Variants in FRMD3 observed in about 807,000 individuals in gnomAD.
The protein encoded by FRMD3 is FERM domain containing 3, also known as FERM domain-containing protein 3.
FRMD3 carries 33 observed loss-of-function variants against 70.2 expected under a neutral mutation model. The ratio of observed to expected loss-of-function variants is 0.47; its 90% confidence interval spans 0.36 to 0.63. The LOEUF is 0.63. Among genes scored for constraint, FRMD3 ranks in the 20% least tolerant of loss-of-function variants. The pLI is 0.00. For missense variants in FRMD3, 632 were observed against 711.4 expected (o/e 0.89, Z 1.27); for synonymous variants, 279 against 255.9 (o/e 1.09, Z -0.86).
intron 3 of FRMD3, among the ~76,000 whole-genome samples, chr9:83,352,195 T>C (rs1824184520): frequency 6.6e-6 from 1 of 152,214 alleles, no homozygotes; most frequent in East Asian, 1.9e-4. Flanking sequence ...CGCTATATGC[T>C]TGTATTTTTA....
intron 1 of FRMD3, among the ~76,000 whole-genome samples, chr9:83,495,342 A>G (rs1230351574): frequency 6.6e-6 from 1 of 152,232 alleles, no homozygotes; most frequent in African/African-American, 2.4e-5. Flanking sequence ...TGACCACCGC[A>G]TTGAAGAAAG....
rs1348577662 is a variant in FRMD3 at position 83,334,829 on chromosome 9, T to TA, written c.596+686dup. Among the ~76,000 whole-genome samples the TA allele has an allele frequency of 5.3e-5, 8 of 152,296 alleles. No individual in the cohort carries two copies. In the East Asian group the frequency reaches 1.5e-3, roughly 29 times the overall value. Reference sequence around the variant, plus strand: ...GAATTCAAATCCCAGCTCTGATACTTACTAGCTGCGTGACCTTGGGTAGGT... The same window carrying TA: ...GAATTCAAATCCCAGCTCTGATACTTAACTAGCTGCGTGACCTTGGGTAGGT... On this transcript the variant is annotated intron_variant, in intron 6 of 13. Transcript: ENST00000304195.
chr9:83,560,557 G>A, the FRMD3 span, among the ~76,000 whole-genome samples: 3 of 152,164 alleles, frequency 2.0e-5, no homozygotes, highest in Non-Finnish European at 4.4e-5. Context: ...GAATAAATGC[G>A]TGTTGTTTAA....
rs767479443 is a variant in FRMD3 at position 83,298,802 on chromosome 9, T to A, written c.1016A>T (p.Lys339Ile). 6.2e-7 allele frequency: 1 copy of A among 1,614,184 alleles called. No homozygotes were observed. The highest frequency in any genetic ancestry group is 8.5e-7 in the Non-Finnish European group (1 of 1,180,018). ...SRFRYSGKVA[K>I]EVVEASSKIQ... The stretch of plus-strand genomic sequence containing the variant: ...CTTGGAACTGGCCTCCACCACCTCT[T>A]TGGCAACTTTCCCACTGCAAAAGAC... Residue 339 changes from lysine (K) to isoleucine (I), a missense_variant, in exon 12 of 14, where the codon AAA becomes ATA. Physicochemically the swap from Lys to Ile is moderately radical, Grantham distance 102 (BLOSUM62 -3). Coordinates refer to ENST00000304195, the MANE Select transcript of FRMD3 (RefSeq NM_174938.6).
At chr9:83,507,809 G>A (rs1829238620) in intron 1 of FRMD3, among the ~76,000 whole-genome samples, 1 of 138,038 alleles carries the variant, frequency 7.2e-6, no homozygotes, top group Non-Finnish European at 1.5e-5. Context: ...ATAAGTAGAA[G>A]GAGTACACTC....
chr9:83,300,665 C>A (rs1006138527), intron 10 of FRMD3, among the ~76,000 whole-genome samples: 5 of 152,124 alleles, frequency 3.3e-5, no homozygotes, highest in Non-Finnish European at 7.4e-5. Context: ...AATTGAAAAC[C>A]ATTTGTACCC....
upstream of FRMD3, chr9:83,538,562 C>A (rs1587543456): frequency 4.8e-6 from 1 of 209,242 alleles, no homozygotes; most frequent in East Asian, 1.1e-4. This position sits in a 1 kb window ranked among gnomAD's most constrained non-coding sequence, Gnocchi z 4.7. Context: ...CTCACTCCCA[C>A]GCGCGCCGAG....
intron 4 of FRMD3, among the ~76,000 whole-genome samples, chr9:83,345,111 T>C (rs1209779598): frequency 6.6e-6 from 1 of 152,174 alleles, no homozygotes; most frequent in South Asian, 2.1e-4. Context: ...AAGGAATCAG[T>C]GGCTCACTGA....
chr9:83,456,073 C>T (rs1274439280), intron 1 of FRMD3, among the ~76,000 whole-genome samples: 1 of 152,180 alleles, frequency 6.6e-6, no homozygotes, highest in Non-Finnish European at 1.5e-5. Flanking sequence ...CAGTAGTAAC[C>T]TGCCCATAGG....
intron 1 of FRMD3, among the ~76,000 whole-genome samples, chr9:83,404,817 C>G (rs1826052716): frequency 6.6e-6 from 1 of 152,104 alleles, no homozygotes; most frequent in Non-Finnish European, 1.5e-5. Context: ...TGCTTTGTGC[C>G]TTTTTATTTG....
intron 1 of FRMD3, among the ~76,000 whole-genome samples, chr9:83,413,971 C>T (rs949475681): frequency 2.0e-5 from 3 of 152,126 alleles, no homozygotes; most frequent in African/African-American, 4.8e-5. Flanking sequence ...AGGAACCAGC[C>T]GGGAGACCAT....
chr9:83,393,589 C>T (rs1306244976), intron 1 of FRMD3, among the ~76,000 whole-genome samples: 2 of 80,044 alleles, frequency 2.5e-5, no homozygotes, highest in Non-Finnish European at 5.5e-5. Context: ...AGCTTGTTTT[C>T]CTGCAACTAA....
intron 1 of FRMD3, among the ~76,000 whole-genome samples, chr9:83,465,135 T>C (rs554174413): frequency 6.6e-6 from 1 of 152,262 alleles, no homozygotes; most frequent in South Asian, 2.1e-4. Context: ...TTCTGTATTT[T>C]ACACACATCA....
At chr9:83,426,821 C>A (rs1826824274) in intron 1 of FRMD3, among the ~76,000 whole-genome samples, 1 of 152,144 alleles carries the variant, frequency 6.6e-6, no homozygotes, top group African/African-American at 2.4e-5. Context: ...AGGCCTGAGA[C>A]ACATCACTGT....
At chr9:83,363,153 C>G (rs931899590) in intron 3 of FRMD3, among the ~76,000 whole-genome samples, 1 of 152,126 alleles carries the variant, frequency 6.6e-6, no homozygotes, top group East Asian at 1.9e-4. Flanking sequence ...TAATAAAATG[C>G]GAAAGCCTCA....
At chr9:83,262,206 C>T (rs1474233291) in intron 13 of FRMD3, among the ~76,000 whole-genome samples, 2 of 152,150 alleles carry the variant, frequency 1.3e-5, no homozygotes. Context: ...ATAGGAACAT[C>T]GACTTCAATA....
chr9:83,370,273 T>C (rs1208973439), intron 3 of FRMD3, among the ~76,000 whole-genome samples: 1 of 152,208 alleles, frequency 6.6e-6, no homozygotes, highest in African/African-American at 2.4e-5. Flanking sequence ...ATAAAAGCCA[T>C]AGTTTAAAAA....
At chr9:83,551,000 C>T in the FRMD3 span, among the ~76,000 whole-genome samples, 1 of 152,108 alleles carries the variant, frequency 6.6e-6, no homozygotes, top group Non-Finnish European at 1.5e-5. Flanking sequence ...CTGGCTAGAA[C>T]TTCCAATACT....
chr9:83,541,902 C>T (rs934337151), upstream of FRMD3, among the ~76,000 whole-genome samples: 2 of 152,172 alleles, frequency 1.3e-5, no homozygotes, highest in Admixed American at 6.5e-5. Context: ...AAATCTGAAC[C>T]TGTCCCCCAA....
Sources: gnomAD v4.1 joint callset for allele counts (sites outside exome capture counted in the v4.1 genomes callset) on GRCh38, gnomAD v4.1.1 for gene constraint, Gnocchi (gnomAD v3.1) non-coding constraint, MANE v1.5 for transcripts, NCBI Gene and HGNC (gene_info 2026-07-23, HGNC 2026-07-21) for gene names.